The following CWC25 variants were observed in gnomAD, a reference collection of about 807,000 sequenced individuals.
The protein encoded by CWC25 is CWC25 spliceosome associated protein.
A neutral mutation model predicts 54.6 loss-of-function variants in CWC25; 31 were observed. The observed-to-expected ratio is 0.57, with a 90% CI of 0.43 to 0.77. CWC25 has a LOEUF of 0.77. Ranked by LOEUF, CWC25 falls within the 30% of genes least tolerant of loss-of-function variation. CWC25 has a pLI of 0.00. For synonymous variants in CWC25, 151 were observed against 187.0 expected, an observed-to-expected ratio of 0.81 and a Z score of 1.57; for missense variants, 453 against 529.3, an observed-to-expected ratio of 0.86 and a Z score of 1.41.
chr17:38,804,732 C>T (rs1272562431), intron 8 of CWC25, among the ~76,000 whole-genome samples: 2 of 145,278 alleles, frequency 1.4e-5, no homozygotes, highest in East Asian at 2.1e-4. Context: ...CGCTGGAACC[C>T]GGGAGGCAGA....
chr17:38,807,511 C>G (rs548732245), intron 6 of CWC25, among the ~76,000 whole-genome samples: 1 of 140,506 alleles, frequency 7.1e-6, no homozygotes, highest in East Asian at 2.1e-4. Flanking sequence ...AATCCCAACA[C>G]TTTGGGAGAC....
At chr17:38,814,813 G>C (rs1420566102) in intron 3 of CWC25, 48 bp downstream of exon 3, 6 of 1,320,010 alleles carry the variant, frequency 4.5e-6, no homozygotes, top group Non-Finnish European at 6.5e-6. Flanking sequence ...CCTTAGCAGG[G>C]TCTCAAAGCA....
chr17:38,813,795 C>G (rs1194759747), intron 3 of CWC25, among the ~76,000 whole-genome samples: 1 of 152,160 alleles, frequency 6.6e-6, no homozygotes, highest in African/African-American at 2.4e-5. Context: ...CCATCCATCT[C>G]TGCCTCCCAA....
At chr17:38,803,272 A>G (rs917065043) in intron 8 of CWC25, among the ~76,000 whole-genome samples, 13 of 152,222 alleles carry the variant, frequency 8.5e-5, no homozygotes, top group Non-Finnish European at 1.9e-4. Context: ...GACACAGCCC[A>G]TGAGTACACT....
chr17:38,825,148 A>G lies in CWC25; in HGVS notation c.18+18T>C. Reference sequence around the variant, plus strand: ...TCCCGGCCTCAGTCCTCCCCCGCCCAGGCCTCCCTCCACTCACCAGGTCTC... The same window carrying G: ...TCCCGGCCTCAGTCCTCCCCCGCCCGGGCCTCCCTCCACTCACCAGGTCTC... On this transcript the variant is annotated intron_variant, in intron 1 of 9. Transcript: ENST00000614790. 2 of 1,354,624 alleles carry G rather than the reference A, an allele frequency of 1.5e-6. No individual in the cohort carries two copies. The highest frequency in any genetic ancestry group is 2.8e-5 in the Admixed American group (1 of 35,384). The allele number at this position is 1,354,624 out of a possible 1,614,324, so 83.9% of individuals were successfully genotyped here. A position where few individuals can be genotyped will look rare whatever the true frequency, so the allele number is the denominator to read the frequency against.
rs1910995629 is a variant in CWC25, at chr17:38,801,011, T to C, written c.*1081A>G. ...CGTGTTCGCCAGGATGGTCTCGATC[T>C]CCTGACCTCGTGATCCGCCCACCTC... is the stretch of plus-strand genomic sequence containing the variant. On this transcript the variant is annotated 3_prime_UTR_variant, in exon 10 of 10. Transcript: ENST00000614790. 6.6e-6 allele frequency: 1 copy of C among 152,046 alleles called. No individual in the cohort carries two copies. The highest frequency in any genetic ancestry group is 1.5e-5 in the Non-Finnish European group (1 of 68,022). 9.4% of individuals were successfully genotyped at this position (152,046 alleles called of 1,614,324 possible).
At chr17:38,810,966 C>A (rs1911462450) in intron 4 of CWC25, among the ~76,000 whole-genome samples, 1 of 147,136 alleles carries the variant, frequency 6.8e-6, no homozygotes, top group Non-Finnish European at 1.5e-5. Flanking sequence ...CATGGTGGCT[C>A]ACGCCTGTAA....
intron 8 of CWC25, among the ~76,000 whole-genome samples, chr17:38,804,191 G>A (rs1598066933): frequency 2.6e-5 from 4 of 152,058 alleles, no homozygotes. Context: ...TATTCTGCTT[G>A]GCTTAGGAAT....
At chr17:38,809,382 C>T (rs1392540991) in intron 6 of CWC25, among the ~76,000 whole-genome samples, 2 of 149,658 alleles carry the variant, frequency 1.3e-5, no homozygotes, top group Non-Finnish European at 3.0e-5. Context: ...GAGCCGAGAT[C>T]GCGCCACTGC....
At chr17:38,813,436 G>A (rs8066957) in intron 3 of CWC25, among the ~76,000 whole-genome samples, 3,642 of 151,306 alleles carry the variant, frequency 0.024, 162 homozygotes, top group African/African-American at 0.084. Context: ...TTGTGCCACT[G>A]CACTCCAGTC....
At chr17:38,822,204 C>T (rs982886525) in intron 1 of CWC25, among the ~76,000 whole-genome samples, 3 of 152,090 alleles carry the variant, frequency 2.0e-5, no homozygotes, top group African/African-American at 7.2e-5. Context: ...GCTGGGATTA[C>T]AGGCATGCGC....
chr17:38,815,546 T>C (rs1343882392), intron 2 of CWC25: 16 of 653,192 alleles, frequency 2.4e-5, no homozygotes, highest in Non-Finnish European at 3.9e-5. Context: ...AGCCAGACCT[T>C]GTCTCAAATA....
chr17:38,823,159 CTTTTTT>C (rs35287371), intron 1 of CWC25, among the ~76,000 whole-genome samples: 2 of 122,438 alleles, frequency 1.6e-5, no homozygotes, highest in Non-Finnish European at 3.4e-5. Context: ...TTTTTTTTAA[CTTTTTT>C]TTTTTTTTTT....
chr17:38,819,631 C>T (rs1231965044), intron 2 of CWC25, among the ~76,000 whole-genome samples: 1 of 151,506 alleles, frequency 6.6e-6, no homozygotes, highest in Non-Finnish European at 1.5e-5. Context: ...CTCGGCCTCC[C>T]AAAGTGCTAG....
At chr17:38,802,628 G>A (rs970382813) in intron 9 of CWC25, 72 bp downstream of exon 9, 30 of 1,555,352 alleles carry the variant, frequency 1.9e-5, no homozygotes, top group African/African-American at 8.2e-5. Flanking sequence ...ACACTGGAAC[G>A]GGAACCAGCT....
chr17:38,808,537 T>A (rs1258371057), intron 6 of CWC25, among the ~76,000 whole-genome samples: 1 of 140,966 alleles, frequency 7.1e-6, no homozygotes, highest in African/African-American at 2.6e-5. Context: ...TCCCAGCACT[T>A]TGGGAGGCCG....
At chr17:38,823,113 C>T (rs1030240364) in intron 1 of CWC25, among the ~76,000 whole-genome samples, 1 of 151,200 alleles carries the variant, frequency 6.6e-6, no homozygotes, top group African/African-American at 2.4e-5. Flanking sequence ...GCTAGGATTA[C>T]AGGTGTGAGC....
intron 8 of CWC25, among the ~76,000 whole-genome samples, chr17:38,804,531 G>A (rs1237987196): frequency 6.6e-6 from 1 of 152,132 alleles, no homozygotes; most frequent in Non-Finnish European, 1.5e-5. Context: ...TTAGGGCCAG[G>A]TGCTGTGGCT....
chr17:38,813,315 A>G (rs1048048016), intron 3 of CWC25, among the ~76,000 whole-genome samples: 1 of 151,300 alleles, frequency 6.6e-6, no homozygotes, highest in African/African-American at 2.4e-5. Flanking sequence ...AAACAAAACA[A>G]AAAAATTAGC....
Sources: gnomAD v4.1 joint callset for allele counts (sites outside exome capture counted in the v4.1 genomes callset) on GRCh38, gnomAD v4.1.1 for gene constraint, MANE v1.5 for transcripts, NCBI Gene and HGNC (gene_info 2026-07-23, HGNC 2026-07-21) for gene names.